LCN6: variants seen among roughly 807,000 people sequenced by gnomAD.
The protein encoded by LCN6 is lipocalin 6.
LCN6 carries 20 observed loss-of-function variants against 21.4 expected under a neutral mutation model. The ratio of observed to expected loss-of-function variants is 0.93; its 90% CI spans 0.66 to 1.36. The LOEUF (loss-of-function observed/expected upper bound fraction) is 1.36, where lower values mean the gene tolerates loss of function less well. Ranked by LOEUF, LCN6 falls within the 40% of genes most tolerant of loss-of-function variation. LCN6 has a pLI of 0.00. For missense variants in LCN6, 217 were observed against 206.6 expected (o/e 1.05, Z -0.31); for synonymous variants, 96 against 89.0 (o/e 1.08, Z -0.44).
At position 136,744,828 on chromosome 9, in the gene LCN6, G is replaced by A; in HGVS notation, c.413-87C>T. The A allele has an allele frequency of 1.0e-6, 1 of 975,672 alleles. No individual in the cohort carries two copies. Among genetic ancestry groups the A allele is most frequent in the East Asian group, 2.6e-5 (1 of 38,322 alleles). 60.4% of individuals were successfully genotyped at this position (975,672 alleles called of 1,614,324 possible). On this transcript the variant is annotated intron_variant, in intron 4 of 6. Transcript: ENST00000341206. This position sits in a 1 kb window ranked among gnomAD's most constrained non-coding sequence, Gnocchi z 4.2. ...GGGGCTGGGAAGGGTCAGGAAGGAGGCCACCTGCCCTGGGATGCTGGCCCC... is the reference window on the plus strand; with the variant it reads ...GGGGCTGGGAAGGGTCAGGAAGGAGACCACCTGCCCTGGGATGCTGGCCCC...
At chr9:136,748,262 A>G in intron 1 of LCN6, 132 bp downstream of exon 1, 3 of 766,162 alleles carry the variant, frequency 3.9e-6, no homozygotes, top group Admixed American at 2.6e-5. Context: ...GGACTCCCCA[A>G]GGGCTGGCCC....
At chr9:136,747,377 G>A in intron 2 of LCN6, 47 bp downstream of exon 2, 5 of 1,601,490 alleles carry the variant, frequency 3.1e-6, no homozygotes, top group Non-Finnish European at 4.3e-6. Context: ...ATGTGGCTGA[G>A]CCACAGTCCT....
chr9:136,748,331 G>T, intron 1 of LCN6, 63 bp downstream of exon 1: 1 of 1,420,710 alleles, frequency 7.0e-7, no homozygotes, highest in Non-Finnish European at 9.7e-7. Context: ...CAGAAGCTGT[G>T]TGGCCTTAAA....
At chr9:136,747,348 C>T in intron 2 of LCN6, 76 bp downstream of exon 2, 1 of 1,540,756 alleles carries the variant, frequency 6.5e-7, no homozygotes, top group Non-Finnish European at 8.8e-7. Context: ...TGCCCGGGAG[C>T]AGATGTGCAA....
In LCN6 at chr9:136,744,686, C is replaced by T; in HGVS notation, c.468G>A (p.Arg156=). The T allele has an allele frequency of 6.2e-7, 1 of 1,610,638 alleles. No individual in the cohort carries two copies. The highest frequency in any genetic ancestry group is 8.5e-7 in the Non-Finnish European group (1 of 1,178,322). Residue 156 remains arginine (R), a synonymous_variant, in exon 5 of 7, where the codon AGG becomes AGA. Transcript: ENST00000341206. The surrounding 1 kb of genome is among the most constrained non-coding windows in gnomAD (Gnocchi z 4.2). ...EAMGLFTKWS[R]SLGFLSQ ...GCTACTGTGACAGGAAGCCCAGGCT[C>T]CTGCTCCACTTGGTGAAGAGCCCCA...
At chr9:136,745,965 G>C (rs747686714) in intron 2 of LCN6, 51 bp from the exon 3 acceptor site, 48 of 1,536,386 alleles carry the variant, frequency 3.1e-5, no homozygotes, top group South Asian at 1.7e-4. Flanking sequence ...CCCGGGGCCC[G>C]GTGAGAGGAG....
Position 136,745,884 on chromosome 9 carries a change from G to A in LCN6, c.261C>T (p.Asp87=), listed in dbSNP as rs1257173214. Residue 87 remains aspartate (D), a synonymous_variant, in exon 3 of 7, where the codon GAC becomes GAT. Transcript: ENST00000341206. ...GLGGCDQSVM[D]LIKRNSGWVF... Reference sequence around the variant, plus strand: ...CCCATCCGGAGTTTCGCTTTATCAGGTCCATGACACTCTGGTCACACCCTC... The same window carrying A: ...CCCATCCGGAGTTTCGCTTTATCAGATCCATGACACTCTGGTCACACCCTC... 6.2e-7 allele frequency: 1 copy of A among 1,613,816 alleles called. No individual in the cohort carries two copies. The highest frequency in any genetic ancestry group is 1.7e-5 in the Admixed American group (1 of 60,020).
chr9:136,744,495 C>T lies in LCN6; in HGVS notation c.*23-131G>A. The stretch of plus-strand genomic sequence containing the variant: ...GACTTTGGGCAGGGGCAGGTGAAGA[C>T]CCCCTCAGCCTGCCTGACTCCTTCA... On this transcript the variant is annotated intron_variant, in intron 5 of 6. Coordinates refer to ENST00000341206, the MANE Select transcript of LCN6 (RefSeq NM_198946.3). The surrounding 1 kb of genome is among the most constrained non-coding windows in gnomAD (Gnocchi z 4.2). The T allele has an allele frequency of 1.8e-6, 1 of 558,612 alleles. No individual in the cohort carries two copies. The highest frequency in any genetic ancestry group is 2.5e-5 in the South Asian group (1 of 40,642). The allele number at this position is 558,612 out of a possible 1,614,324, so 34.6% of individuals were successfully genotyped here.
chr9:136,747,738 TGC>T (rs1564327659), intron 1 of LCN6, among the ~76,000 whole-genome samples, 175 bp from the exon 2 acceptor site: 3 of 96,068 alleles, frequency 3.1e-5, no homozygotes, highest in Admixed American at 1.0e-4. Context: ...CTTCCAGCCC[TGC>T]AGCCTCCAGC....
In LCN6 at chr9:136,744,853, C is replaced by A; in HGVS notation, c.413-112G>T. ...GCCACCTGCCCTGGGATGCTGGCCC[C>A]GGTCCTTCCAAAGCCACCTCCAGTG... On this transcript the variant is annotated intron_variant, in intron 4 of 6. Coordinates refer to ENST00000341206, the MANE Select transcript of LCN6 (RefSeq NM_198946.3). This position sits in a 1 kb window ranked among gnomAD's most constrained non-coding sequence, Gnocchi z 4.2. The A allele has an allele frequency of 1.3e-6, 1 of 793,698 alleles. No homozygotes were observed. The highest frequency in any genetic ancestry group is 1.7e-5 in the African/African-American group (1 of 58,536). 49.2% of individuals were successfully genotyped at this position (793,698 alleles called of 1,614,324 possible). A position where few individuals can be genotyped will look rare whatever the true frequency, so the allele number is the denominator to read the frequency against.
intron 2 of LCN6, chr9:136,746,116 A>T (rs1847033505): frequency 1.7e-6 from 1 of 577,204 alleles, no homozygotes; most frequent in Non-Finnish European, 3.1e-6. Context: ...ACTCCCATTC[A>T]CTTCCTGAGA....
chr9:136,748,236 G>A (rs1036518460), intron 1 of LCN6, among the ~76,000 whole-genome samples, 158 bp downstream of exon 1: 77 of 152,284 alleles, frequency 5.1e-4, no homozygotes, highest in African/African-American at 1.8e-3. Context: ...CTCCTGCCCT[G>A]AGGCTCCTGC....
intron 1 of LCN6, among the ~76,000 whole-genome samples, chr9:136,748,124 C>T (rs901210781): frequency 1.3e-5 from 2 of 151,468 alleles, no homozygotes; most frequent in Non-Finnish European, 2.9e-5. Flanking sequence ...TCCAGCCCTC[C>T]AGCCTCCAGT....
At chr9:136,746,682 C>T (rs1372591980) in intron 2 of LCN6, among the ~76,000 whole-genome samples, 1 of 152,084 alleles carries the variant, frequency 6.6e-6, no homozygotes, top group Non-Finnish European at 1.5e-5. Context: ...GGAAGGCACG[C>T]TGGTGAGGAG....
At chr9:136,745,538 G>A (rs1025843039) in intron 3 of LCN6, 8 of 588,840 alleles carry the variant, frequency 1.4e-5, no homozygotes, top group African/African-American at 3.7e-5. Context: ...AGGTGTGAAC[G>A]AGGAGCGGCT....
chr9:136,747,320 G>A, intron 2 of LCN6, 104 bp downstream of exon 2: 1 of 1,361,846 alleles, frequency 7.3e-7, no homozygotes, highest in Non-Finnish European at 1.0e-6. Flanking sequence ...GGGGCCGTGG[G>A]AAGCCCCCAG....
rs74683652 is a variant in LCN6 at position 136,745,104 on chromosome 9, A to T, written c.412+66T>A. 2.5e-3 allele frequency: 377 copies of T among 148,570 alleles called. 11 individuals are homozygous for T. Among genetic ancestry groups the T allele is most frequent in the Middle Eastern group, 9.2e-3 (7 of 764 alleles). 9.2% of individuals were successfully genotyped at this position (148,570 alleles called of 1,614,324 possible). A position where few individuals can be genotyped will look rare whatever the true frequency, so the allele number is the denominator to read the frequency against. On this transcript the variant is annotated intron_variant, in intron 4 of 6. Transcript: ENST00000341206. The stretch of plus-strand genomic sequence containing the variant: ...GCGGCCCACGCACCACACAGCTCCC[A>T]ACGTGGGCCCCGAGTGGCCCACGCA...
chr9:136,747,809 GCCTCCAA>G (rs1847068267), intron 1 of LCN6, among the ~76,000 whole-genome samples: 2 of 133,762 alleles, frequency 1.5e-5, no homozygotes, highest in East Asian at 2.1e-4. Context: ...CCGCCCTCCA[GCCTCCAA>G]CCTTCCAGCC....
At chr9:136,746,719 AC>A (rs1847043477) in intron 2 of LCN6, among the ~76,000 whole-genome samples, 1 of 152,062 alleles carries the variant, frequency 6.6e-6, no homozygotes, top group Non-Finnish European at 1.5e-5. Context: ...TGGGCCCCGT[AC>A]CTGGCTCAGT....
Sources: gnomAD v4.1 joint callset for allele counts (sites outside exome capture counted in the v4.1 genomes callset) on GRCh38, gnomAD v4.1.1 for gene constraint, Gnocchi (gnomAD v3.1) non-coding constraint, MANE v1.5 for transcripts, NCBI Gene and HGNC (gene_info 2026-07-23, HGNC 2026-07-21) for gene names.